The following HDAC11 variants were observed in gnomAD, a reference collection of about 807,000 sequenced individuals.
HDAC11 encodes the protein histone deacetylase 11.
HDAC11 carries 23 observed loss-of-function variants against 41.1 expected under a neutral mutation model. That is an observed-to-expected ratio of 0.56 (90% confidence interval 0.40 to 0.79). The LOEUF (loss-of-function observed/expected upper bound fraction) is 0.79, where lower values mean the gene tolerates loss of function less well. HDAC11 is among the 30% of genes least tolerant of loss of function. The probability of loss-of-function intolerance (pLI) is 0.00; values close to 1 mark genes in which losing one functional copy is unlikely to be tolerated. For missense variants in HDAC11, 402 were observed against 477.3 expected (o/e 0.84, Z 1.47); for synonymous variants, 187 against 186.6 (o/e 1.00, Z -0.02).
intron 3 of HDAC11, among the ~76,000 whole-genome samples, chr3:13,490,341 T>G (rs573874574): frequency 6.6e-6 from 1 of 152,132 alleles, no homozygotes; most frequent in African/African-American, 2.4e-5. Context: ...TCCCTTGAGA[T>G]TCCATGTGAA....
At chr3:13,481,415 A>G in intron 2 of HDAC11, 21 bp downstream of exon 2, 1 of 1,612,490 alleles carries the variant, frequency 6.2e-7, no homozygotes. Context: ...TCCCCCTTGG[A>G]CTCTCATCTG....
chr3:13,481,711 G>C (rs1701330278), intron 2 of HDAC11, among the ~76,000 whole-genome samples: 1 of 152,148 alleles, frequency 6.6e-6, no homozygotes, highest in African/African-American at 2.4e-5. Flanking sequence ...CATTTCCTAA[G>C]GTTCAGAGAG....
chr3:13,499,694 C>G (rs898130852), intron 5 of HDAC11, among the ~76,000 whole-genome samples: 2 of 152,174 alleles, frequency 1.3e-5, no homozygotes, highest in African/African-American at 4.8e-5. Context: ...TTGGTATTAC[C>G]AGGTGCCTAG....
At chr3:13,481,176 C>T (rs1701298084) in intron 1 of HDAC11, 70 bp from the exon 2 acceptor site, 4 of 1,516,072 alleles carry the variant, frequency 2.6e-6, no homozygotes, top group South Asian at 1.3e-5. Flanking sequence ...TCAGTCCAGG[C>T]GGGCTCGGGA....
intron 4 of HDAC11, among the ~76,000 whole-genome samples, chr3:13,497,497 A>G (rs1020149421): frequency 1.3e-5 from 2 of 152,132 alleles, no homozygotes; most frequent in African/African-American, 4.8e-5. Flanking sequence ...ACCCAAAATT[A>G]AGATGGAGAA....
In HDAC11 at chr3:13,502,813, T is replaced by G. The variant is rs1702433129; in HGVS notation, c.553-71T>G. Reference sequence around the variant, plus strand: ...GGCAAATGGGGAGTTTCCTGAGGGGTGGGTGGGTGGCAGAGCCCCAGCCTT... The same window carrying G: ...GGCAAATGGGGAGTTTCCTGAGGGGGGGGTGGGTGGCAGAGCCCCAGCCTT... On this transcript the variant is annotated intron_variant, in intron 7 of 9. Coordinates refer to ENST00000295757, the MANE Select transcript of HDAC11 (RefSeq NM_024827.4). This position sits in a 1 kb window ranked among gnomAD's most constrained non-coding sequence, Gnocchi z 4.1. The G allele has an allele frequency of 8.5e-7, 1 of 1,172,242 alleles. No homozygotes were observed. Among genetic ancestry groups the G allele is most frequent in the South Asian group, 1.3e-5 (1 of 78,620 alleles). The allele number at this position is 1,172,242 out of a possible 1,614,324, so 72.6% of individuals were successfully genotyped here.
At chr3:13,494,765 TC>T (rs1574903553) in intron 3 of HDAC11, among the ~76,000 whole-genome samples, 1 of 152,306 alleles carries the variant, frequency 6.6e-6, no homozygotes, top group East Asian at 1.9e-4. Context: ...CCATGGGCAT[TC>T]CCCAGCAGTG....
At chr3:13,488,365 T>TC (rs1360124505) in intron 3 of HDAC11, among the ~76,000 whole-genome samples, 1 of 152,190 alleles carries the variant, frequency 6.6e-6, no homozygotes, top group Non-Finnish European at 1.5e-5. Flanking sequence ...CATCTCTAGT[T>TC]CCAAACATTT....
At position 13,505,003 on chromosome 3, in the gene HDAC11, C is replaced by T. The variant is rs1023486369; in HGVS notation, c.*320C>T. On this transcript the variant is annotated 3_prime_UTR_variant, in exon 10 of 10. Transcript: ENST00000295757. ...GGCTAGGTCCCAGGCACAGCGAGGGCCCTGGGCTTGGGGTGTTCTGGTTTT... is the reference window on the plus strand; with the variant it reads ...GGCTAGGTCCCAGGCACAGCGAGGGTCCTGGGCTTGGGGTGTTCTGGTTTT... 52 of 410,884 alleles carry T rather than the reference C, an allele frequency of 1.3e-4. No individual in the cohort carries two copies. The highest frequency in any genetic ancestry group is 9.6e-4 in the African/African-American group (48 of 50,124). 25.5% of individuals were successfully genotyped at this position (410,884 alleles called of 1,614,324 possible).
chr3:13,490,077 T>C (rs1701777871), intron 3 of HDAC11, among the ~76,000 whole-genome samples: 1 of 151,834 alleles, frequency 6.6e-6, no homozygotes. Context: ...CACTGCAACC[T>C]CCGCCTTCTG....
chr3:13,487,170 G>A (rs1208396035), intron 3 of HDAC11, among the ~76,000 whole-genome samples: 3 of 152,146 alleles, frequency 2.0e-5, no homozygotes, highest in Admixed American at 2.0e-4. Context: ...TGGGACCCAA[G>A]CCCGTTTCAG....
intron 3 of HDAC11, among the ~76,000 whole-genome samples, chr3:13,495,110 G>A (rs1702036514): frequency 6.6e-6 from 1 of 151,974 alleles, no homozygotes; most frequent in African/African-American, 2.4e-5. Context: ...CTGCAGCTTG[G>A]TGCCTCCCTC....
At chr3:13,491,463 G>A (rs904981650) in intron 3 of HDAC11, among the ~76,000 whole-genome samples, 3 of 152,026 alleles carry the variant, frequency 2.0e-5, no homozygotes, top group East Asian at 3.9e-4. Flanking sequence ...CTGAGAGATC[G>A]TGTTTTCCCC....
At chr3:13,485,989 CG>C (rs35309401) in intron 3 of HDAC11, among the ~76,000 whole-genome samples, 43,242 of 151,826 alleles carry the variant, frequency 0.28, 7,233 homozygotes, top group Non-Finnish European at 0.37. Flanking sequence ...AGAAGTAGGC[CG>C]GGTGCAGTGA....
Position 13,505,000 on chromosome 3 carries a change from G to C in HDAC11, c.*317G>C. 1 of 416,122 alleles carries C rather than the reference G, an allele frequency of 2.4e-6. No individual in the cohort carries two copies. The highest frequency in any genetic ancestry group is 4.4e-6 in the Non-Finnish European group (1 of 224,764). The allele number at this position is 416,122 out of a possible 1,614,324, so 25.8% of individuals were successfully genotyped here. ...ACAGGCTAGGTCCCAGGCACAGCGA[G>C]GGCCCTGGGCTTGGGGTGTTCTGGT... is the stretch of plus-strand genomic sequence containing the variant. On this transcript the variant is annotated 3_prime_UTR_variant, in exon 10 of 10. Coordinates refer to ENST00000295757, the MANE Select transcript of HDAC11 (RefSeq NM_024827.4).
At chr3:13,488,882 A>G (rs79166252) in intron 3 of HDAC11, among the ~76,000 whole-genome samples, 2,189 of 151,290 alleles carry the variant, frequency 0.014, 49 homozygotes, top group African/African-American at 0.05. Context: ...CAGGGTCCCA[A>G]TTTCTCTACA....
Position 13,483,578 on chromosome 3 carries a change from G to T in HDAC11, c.252+14G>T, listed in dbSNP as rs371660706. Reference sequence around the variant, plus strand: ...AATGAGCTCAAGGTACAGGATGTCGGGCCTGGGGGGCTGCGGGCCTGGGGC... The same window carrying T: ...AATGAGCTCAAGGTACAGGATGTCGTGCCTGGGGGGCTGCGGGCCTGGGGC... On this transcript the variant is annotated intron_variant, in intron 3 of 9. Transcript: ENST00000295757. 6 of 1,601,466 alleles carry T rather than the reference G, an allele frequency of 3.7e-6. No individual in the cohort carries two copies. In the African/African-American group the frequency reaches 8.1e-5, roughly 22 times the overall value.
intron 3 of HDAC11, among the ~76,000 whole-genome samples, chr3:13,487,424 G>A (rs1243346905): frequency 6.6e-6 from 1 of 152,214 alleles, no homozygotes; most frequent in Non-Finnish European, 1.5e-5. Context: ...ACTCTGCACT[G>A]GTGTGGCCTT....
intron 2 of HDAC11, among the ~76,000 whole-genome samples, chr3:13,482,476 G>A (rs1309931228): frequency 6.6e-6 from 1 of 152,192 alleles, no homozygotes; most frequent in African/African-American, 2.4e-5. Flanking sequence ...TGAGCCTCCT[G>A]TAATATCATC....
Sources: gnomAD v4.1 joint callset for allele counts (sites outside exome capture counted in the v4.1 genomes callset) on GRCh38, gnomAD v4.1.1 for gene constraint, Gnocchi (gnomAD v3.1) non-coding constraint, MANE v1.5 for transcripts, NCBI Gene and HGNC (gene_info 2026-07-23, HGNC 2026-07-21) for gene names.